CCDC190: variants seen among roughly 807,000 people sequenced by gnomAD.
CCDC190 encodes the protein coiled-coil domain containing 190.
Under a neutral mutation model 13.1 loss-of-function variants are expected in CCDC190, and 10 were observed. The ratio of observed to expected loss-of-function variants is 0.77; its 90% CI spans 0.47 to 1.30. The LOEUF (loss-of-function observed/expected upper bound fraction) is 1.30. Ranked by LOEUF, CCDC190 falls within the 50% of genes most tolerant of loss-of-function variation. The pLI, the probability that CCDC190 is intolerant of heterozygous loss-of-function variation, is 0.00. For synonymous variants in CCDC190, 136 were observed against 127.2 expected (o/e 1.07, Z -0.47); for missense variants, 375 against 354.3 (o/e 1.06, Z -0.47).
rs747247706 is a variant in CCDC190, at chr1:162,853,051, C to G, written c.*1714G>C. 1.4e-6 allele frequency: 2 copies of G among 1,413,188 alleles called. No homozygotes were observed. Among genetic ancestry groups the G allele is most frequent in the East Asian group, 5.0e-5 (2 of 40,202 alleles). 87.5% of individuals were successfully genotyped at this position (1,413,188 alleles called of 1,614,324 possible). ...AATCAATCAGTTCTGTCACTTATGG[C>G]CTGCCTTCCTCTGTTGCTTTGCTTC... On this transcript the variant is annotated 3_prime_UTR_variant, in exon 4 of 4. Transcript: ENST00000367912.
intron 1 of CCDC190, among the ~76,000 whole-genome samples, chr1:162,860,403 C>T (rs1017599595): frequency 6.6e-6 from 1 of 152,144 alleles, no homozygotes; most frequent in African/African-American, 2.4e-5. Context: ...CTCCATGTAC[C>T]CTGATGTCTA....
At chr1:162,867,742 C>T (rs879933039) in intron 1 of CCDC190, among the ~76,000 whole-genome samples, 4 of 152,216 alleles carry the variant, frequency 2.6e-5, no homozygotes, top group Admixed American at 2.6e-4. Context: ...CAATGGAATA[C>T]CACTCAGCAA....
Position 162,853,013 on chromosome 1 carries a change from T to G in CCDC190, c.*1752A>C. 1 of 1,082,860 alleles carries G rather than the reference T, an allele frequency of 9.2e-7. No individual in the cohort carries two copies. Among genetic ancestry groups the G allele is most frequent in the Non-Finnish European group, 1.4e-6 (1 of 724,804 alleles). The allele number at this position is 1,082,860 out of a possible 1,614,324, so 67.1% of individuals were successfully genotyped here. A position where few individuals can be genotyped will look rare whatever the true frequency, so the allele number is the denominator to read the frequency against. On this transcript the variant is annotated 3_prime_UTR_variant, in exon 4 of 4. Transcript: ENST00000367912. ...CCCAGGCATGGCTGGTGCAAATAAA[T>G]TAAGTTTTTGTGAATCAATCAGTTC...
chr1:162,859,470 C>A lies in CCDC190; in HGVS notation c.177G>T (p.Arg59Ser). 4.3e-6 allele frequency: 7 copies of A among 1,613,150 alleles called. No individual in the cohort carries two copies. The highest frequency in any genetic ancestry group is 5.9e-6 in the Non-Finnish European group (7 of 1,179,508). ...TCCTGAAAGTCTTACCTTGCTGCAA[C>A]CTCTGCAGTTCTTTTTGGAGCTGCC... ...EQRQLQKELQRLQQETMKKKF... is the reference protein window; with the variant it reads ...EQRQLQKELQSLQQETMKKKF... Residue 59 changes from arginine to serine, a missense_variant, in exon 2 of 4, where the codon AGG becomes AGT. Transcript: ENST00000367912.
chr1:162,855,857 G>C, intron 2 of CCDC190, 102 bp from the exon 3 acceptor site: 1 of 1,010,038 alleles, frequency 9.9e-7, no homozygotes, highest in Non-Finnish European at 1.4e-6. Flanking sequence ...ACCTTATTTG[G>C]AGATAAGGTC....
intron 2 of CCDC190, among the ~76,000 whole-genome samples, chr1:162,856,716 G>A (rs1161808242): frequency 6.6e-6 from 1 of 152,150 alleles, no homozygotes; most frequent in African/African-American, 2.4e-5. Context: ...TAAGCAGAGG[G>A]AATATGACCA....
In CCDC190 at chr1:162,855,260, CT is replaced by C; in HGVS notation, c.410del (p.Lys137SerfsTer14). 1 of 1,613,394 alleles carries C rather than the reference CT, an allele frequency of 6.2e-7. No individual in the cohort carries two copies. The highest frequency in any genetic ancestry group is 2.2e-5 in the East Asian group (1 of 44,886). On this transcript the variant is annotated frameshift_variant, in exon 4 of 4. Coordinates refer to ENST00000367912, the MANE Select transcript of CCDC190 (RefSeq NM_001394065.1). LOFTEE classifies it low-confidence loss of function (END_TRUNC). ...AGLKDPMKSK[K>X]QPLSQNNRTA... ...TTCTGTTATTTTGAGAGAGTGGCTG[CT>C]TTTTGCTCTTCATGGGGTCTTTGAG...
At chr1:162,859,716 C>T in intron 1 of CCDC190, 58 bp from the exon 2 acceptor site, 1 of 1,412,442 alleles carries the variant, frequency 7.1e-7, no homozygotes, top group Non-Finnish European at 9.6e-7. Flanking sequence ...GATACTGACC[C>T]CGGCTTTTAA....
chr1:162,859,568 T>C lies in CCDC190; in HGVS notation c.79A>G (p.Arg27Gly). The C allele has an allele frequency of 1.9e-6, 3 of 1,613,986 alleles. No homozygotes were observed. Among genetic ancestry groups the C allele is most frequent in the Non-Finnish European group, 2.5e-6 (3 of 1,179,886 alleles). Residue 27 changes from arginine (R) to glycine (G), a missense_variant, in exon 2 of 4, where the codon AGA becomes GGA. Physicochemically the swap from Arg to Gly is moderately radical, Grantham distance 125 (BLOSUM62 -2). Coordinates refer to ENST00000367912, the MANE Select transcript of CCDC190 (RefSeq NM_001394065.1). The part of the protein sequence containing the change: ...ERKNAKQAEA[R>G]LDQRLQRLKV... ...AGTCTCTGCAGTCTTTGGTCCAGTC[T>C]GGCTTCAGCCTGCTTGGCATTCTTC...
chr1:162,854,828 G>T lies in CCDC190; in HGVS notation c.843C>A (p.Ser281=). 6.2e-7 allele frequency: 1 copy of T among 1,613,966 alleles called. No homozygotes were observed. Among genetic ancestry groups the T allele is most frequent in the Non-Finnish European group, 8.5e-7 (1 of 1,179,882 alleles). ...SIGEIFGHGE[S]SSSRAGKECE... ...ACTCCTTTCCTGCCCTGGATGATGA[G>T]GATTCCCCATGCCCAAATATCTCTC... Residue 281 remains serine, a synonymous_variant, in exon 4 of 4, where the codon TCC becomes TCA. Coordinates refer to ENST00000367912, the MANE Select transcript of CCDC190 (RefSeq NM_001394065.1).
upstream of CCDC190, among the ~76,000 whole-genome samples, chr1:162,865,293 A>G (rs1650656254): frequency 6.6e-6 from 1 of 152,194 alleles, no homozygotes; most frequent in Admixed American, 6.5e-5. Flanking sequence ...AGCTATTGTC[A>G]GTGGCTCCAA....
Position 162,853,064 on chromosome 1 carries a change from G to C in CCDC190, c.*1701C>G, listed in dbSNP as rs763481381. ...TGTCACTTATGGCCTGCCTTCCTCT[G>C]TTGCTTTGCTTCATGGAAGAAAGTG... On this transcript the variant is annotated 3_prime_UTR_variant, in exon 4 of 4. Transcript: ENST00000367912. 4 of 1,483,324 alleles carry C rather than the reference G, an allele frequency of 2.7e-6. No homozygotes were observed. In the South Asian group the frequency reaches 4.8e-5, roughly 18 times the overall value. The allele number at this position is 1,483,324 out of a possible 1,614,324, so 91.9% of individuals were successfully genotyped here.
rs151047880 is a variant in CCDC190, at chr1:162,859,927, A to T, written c.-12-269T>A. Among the ~76,000 whole-genome samples, 906 of 152,126 alleles carry T rather than the reference A, an allele frequency of 6.0e-3. 15 individuals are homozygous for T. The highest frequency in any genetic ancestry group is 0.021 in the African/African-American group (857 of 41,498). Reference sequence around the variant, plus strand: ...AACACAGATCCCAGTCAGATTTCCAAGAAGATCAAGTGAGAAGTGTAAGAA... The same window carrying T: ...AACACAGATCCCAGTCAGATTTCCATGAAGATCAAGTGAGAAGTGTAAGAA... On this transcript the variant is annotated intron_variant, in intron 1 of 3. Coordinates refer to ENST00000367912, the MANE Select transcript of CCDC190 (RefSeq NM_001394065.1).
upstream of CCDC190, among the ~76,000 whole-genome samples, chr1:162,861,536 G>A (rs1375919224): frequency 1.3e-5 from 2 of 150,168 alleles, no homozygotes; most frequent in Middle Eastern, 3.4e-3. Context: ...CGTTTTTTCT[G>A]TCATGACTGT....
At chr1:162,868,173 G>T (rs1650772061) in intron 1 of CCDC190, among the ~76,000 whole-genome samples, 1 of 152,114 alleles carries the variant, frequency 6.6e-6, no homozygotes, top group African/African-American at 2.4e-5. Context: ...AATTCTGCAG[G>T]ATGTATTTGA....
At chr1:162,857,081 C>T (rs994088559) in intron 2 of CCDC190, among the ~76,000 whole-genome samples, 6 of 152,166 alleles carry the variant, frequency 3.9e-5, no homozygotes, top group Non-Finnish European at 8.8e-5. Flanking sequence ...CTCGTTTGAG[C>T]GCCTACTTTG....
At chr1:162,868,605 G>T (rs112103513) in intron 1 of CCDC190, 1 of 33,036 alleles carries the variant, frequency 3.0e-5, no homozygotes, top group African/African-American at 6.4e-5. Flanking sequence ...TCTCCCAAAC[G>T]CACACCCCCA....
chr1:162,862,089 G>A (rs1221406204), upstream of CCDC190, among the ~76,000 whole-genome samples: 1 of 152,140 alleles, frequency 6.6e-6, no homozygotes, highest in Admixed American at 6.5e-5. Context: ...GGGATTCCAA[G>A]AAAATTATCT....
upstream of CCDC190, among the ~76,000 whole-genome samples, chr1:162,864,132 T>C (rs1650619624): frequency 6.6e-6 from 1 of 151,868 alleles, no homozygotes; most frequent in Non-Finnish European, 1.5e-5. Flanking sequence ...AACAGCCAAA[T>C]TTAAAAAGGT....
Sources: allele counts gnomAD v4.1 joint callset (sites outside exome capture counted in the v4.1 genomes callset), GRCh38; gene constraint gnomAD v4.1.1; transcripts MANE v1.5; gene names NCBI Gene and HGNC (gene_info 2026-07-23, HGNC 2026-07-21).